Variants in HHIPL1 observed in about 807,000 individuals in gnomAD.
HHIPL1 encodes HHIP-like protein 1.
In HHIPL1, 43 loss-of-function variants were observed where a neutral mutation model predicts 61.8. The ratio of observed to expected loss-of-function variants is 0.70; its 90% CI spans 0.55 to 0.90. The LOEUF is 0.90. HHIPL1 is among the 40% of genes least tolerant of loss of function. The probability of loss-of-function intolerance (pLI) is 0.00; values close to 1 mark genes in which losing one functional copy is unlikely to be tolerated. For synonymous variants in HHIPL1, 482 were observed against 515.8 expected (o/e 0.93, Z 0.89); for missense variants, 1,056 against 1,157.7 (o/e 0.91, Z 1.28).
chr14:99,632,550 G>A, the HHIPL1 span, among the ~76,000 whole-genome samples: 36 of 152,250 alleles, frequency 2.4e-4, no homozygotes, highest in East Asian at 6.4e-3. Context: ...GTGGTTCTGA[G>A]TAGCCAAGCT....
At chr14:99,605,633 A>C in the HHIPL1 span, among the ~76,000 whole-genome samples, 1 of 152,206 alleles carries the variant, frequency 6.6e-6, no homozygotes, top group Non-Finnish European at 1.5e-5. Context: ...GGATGGGGAG[A>C]AGATAGACGA....
rs187930327 is a variant in HHIPL1 at position 99,646,561 on chromosome 14, G to A, written c.255+1099G>A. Among the ~76,000 whole-genome samples the A allele has an allele frequency of 5.6e-3, 857 of 152,306 alleles. 3 individuals carry two copies. Among genetic ancestry groups the A allele is most frequent in the African/African-American group, 0.019 (799 of 41,570 alleles). The stretch of plus-strand genomic sequence containing the variant: ...AGGCCAAGGTGGGCAGATCACTTGA[G>A]GTCAGGAGTTCGAGACCAGCCTGGC... On this transcript the variant is annotated intron_variant, in intron 1 of 8. Transcript: ENST00000330710.
chr14:99,658,759 C>G (rs2056092068), intron 3 of HHIPL1, among the ~76,000 whole-genome samples: 1 of 152,022 alleles, frequency 6.6e-6, no homozygotes, highest in African/African-American at 2.4e-5. Flanking sequence ...GCTCTCTCCC[C>G]CTCTCCCCAC....
At chr14:99,618,476 C>A in the HHIPL1 span, among the ~76,000 whole-genome samples, 719 of 150,182 alleles carry the variant, frequency 4.8e-3, 14 homozygotes, top group Admixed American at 0.025. Context: ...TTCTCTTCGC[C>A]TCATGGTTGC....
chr14:99,645,234 G>C lies in HHIPL1; in HGVS notation c.27G>C (p.Leu9=). Reference sequence around the variant, plus strand: ...TGGCCCGGGCCAGGGCCGGGGCGCTGCTGGCGCTTTGGGTGCTCGGGGCCG... The same window carrying C: ...TGGCCCGGGCCAGGGCCGGGGCGCTCCTGGCGCTTTGGGTGCTCGGGGCCG... MARARAGA[L]LALWVLGAAA... is the part of the protein sequence containing the mutation. The change falls in exon 1 of 9, where the codon CTG becomes CTC. Residue 9 remains leucine (L), a synonymous_variant. Coordinates refer to ENST00000330710, the MANE Select transcript of HHIPL1 (RefSeq NM_001127258.3). The C allele has an allele frequency of 7.5e-7, 1 of 1,339,396 alleles. No homozygotes were observed. The highest frequency in any genetic ancestry group is 9.5e-7 in the Non-Finnish European group (1 of 1,048,368). The allele number at this position is 1,339,396 out of a possible 1,614,324, so 83.0% of individuals were successfully genotyped here.
In HHIPL1 at chr14:99,669,135, G is replaced by A. The variant is rs1044568158; in HGVS notation, c.1730+832G>A. 19 of 1,383,228 alleles carry A rather than the reference G, an allele frequency of 1.4e-5. No individual in the cohort carries two copies. In the Admixed American group the frequency reaches 1.5e-4, roughly 11 times the overall value. The allele number at this position is 1,383,228 out of a possible 1,614,324, so 85.7% of individuals were successfully genotyped here. On this transcript the variant is annotated intron_variant, in intron 7 of 8. Coordinates refer to ENST00000330710, the MANE Select transcript of HHIPL1 (RefSeq NM_001127258.3). ...AGACTTGGTAATCCCTGGGCTACAC[G>A]ACTGACTCTCTCCCAGCTGCTCTGG...
Position 99,660,513 on chromosome 14 carries a change from C to A in HHIPL1, c.1502+107C>A. Reference sequence around the variant, plus strand: ...TGTGCGCCCGTTCCTGCACATGTGCCTCGCTGCTCTGACAGGGGCCCCTAG... The same window carrying A: ...TGTGCGCCCGTTCCTGCACATGTGCATCGCTGCTCTGACAGGGGCCCCTAG... On this transcript the variant is annotated intron_variant, in intron 5 of 8. Coordinates refer to ENST00000330710, the MANE Select transcript of HHIPL1 (RefSeq NM_001127258.3). The surrounding 1 kb of genome is among the most constrained non-coding windows in gnomAD (Gnocchi z 4.9). 7.3e-7 allele frequency: 1 copy of A among 1,377,368 alleles called. No homozygotes were observed. The highest frequency in any genetic ancestry group is 1.0e-6 in the Non-Finnish European group (1 of 1,002,814). 85.3% of individuals were successfully genotyped at this position (1,377,368 alleles called of 1,614,324 possible). A position where few individuals can be genotyped will look rare whatever the true frequency, so the allele number is the denominator to read the frequency against.
intron 2 of HHIPL1, among the ~76,000 whole-genome samples, chr14:99,653,329 T>TTTTTG (rs11268009): frequency 6.6e-5 from 10 of 150,934 alleles, no homozygotes; most frequent in Admixed American, 1.3e-4. Context: ...GGTGCCATCT[T>TTTTTG]TTTTGTTTTG....
rs776186430 is a variant in HHIPL1 at position 99,660,275 on chromosome 14, C to G, written c.1376-5C>G. On this transcript the variant is annotated splice_region_variant and splice_polypyrimidine_tract_variant and intron_variant, in intron 4 of 8. Coordinates refer to ENST00000330710, the MANE Select transcript of HHIPL1 (RefSeq NM_001127258.3). The surrounding 1 kb of genome is among the most constrained non-coding windows in gnomAD (Gnocchi z 4.9). ...ACCGAAGCTTCTCTCCCTCCCACCC[C>G]GCAGATGACTTGCTGCCGATTTTCG... The G allele has an allele frequency of 1.9e-6, 3 of 1,614,038 alleles. No homozygotes were observed. Among genetic ancestry groups the G allele is most frequent in the South Asian group, 1.1e-5 (1 of 91,076 alleles).
chr14:99,613,404 C>T, the HHIPL1 span, among the ~76,000 whole-genome samples: 1 of 151,764 alleles, frequency 6.6e-6, no homozygotes, highest in Non-Finnish European at 1.5e-5. Context: ...CGGCTCACCA[C>T]AGCCTCGACC....
chr14:99,668,517 C>T lies in HHIPL1; in HGVS notation c.1730+214C>T, dbSNP rs1188699116. 2.6e-5 allele frequency among the ~76,000 whole-genome samples: 4 copies of T among 152,180 alleles called. No homozygotes were observed. The East Asian group carries it at 7.7e-4, about 29-fold the overall frequency. On this transcript the variant is annotated intron_variant, in intron 7 of 8. Coordinates refer to ENST00000330710, the MANE Select transcript of HHIPL1 (RefSeq NM_001127258.3). This position sits in a 1 kb window ranked among gnomAD's most constrained non-coding sequence, Gnocchi z 4.7. ...ACCCGGGTCTGCACGCCTCAAAGCA[C>T]AGGTCTATTAGGATAGGAGGGAGCT...
chr14:99,655,061 G>C (rs550811649), intron 2 of HHIPL1, among the ~76,000 whole-genome samples: 1 of 152,162 alleles, frequency 6.6e-6, no homozygotes, highest in Non-Finnish European at 1.5e-5. Context: ...GCAGGCTCAG[G>C]GCAGGCCAGG....
the HHIPL1 span, among the ~76,000 whole-genome samples, chr14:99,621,337 C>T: frequency 6.6e-6 from 1 of 152,104 alleles, no homozygotes; most frequent in African/African-American, 2.4e-5. Flanking sequence ...TGGGCTCAAG[C>T]GATAGTTCAT....
intron 7 of HHIPL1, chr14:99,669,378 A>AATTTTATAATGAT: frequency 1.0e-6 from 1 of 982,276 alleles, no homozygotes; most frequent in Non-Finnish European, 1.2e-6. Context: ...ACTTGTCTCT[A>AATTTTATAATGAT]ACGCAAGGCC....
rs144732406 is a variant in HHIPL1 at position 99,652,709 on chromosome 14, C to T, written c.741C>T (p.Asp247=). The T allele has an allele frequency of 1.3e-4, 208 of 1,613,906 alleles. No homozygotes were observed. The highest frequency in any genetic ancestry group is 1.7e-4 in the Non-Finnish European group (195 of 1,180,030). ...TGCTCACCTCGCCCTGGGAGGGTGA[C>T]GAGCGTGGCTTCCTGGGCATTGCCT... is the stretch of plus-strand genomic sequence containing the variant. ...RVVLTSPWEG[D]ERGFLGIAFH... is the part of the protein sequence containing the mutation. Residue 247 remains aspartate (D), a synonymous_variant, in exon 2 of 9, where the codon GAC becomes GAT. Coordinates refer to ENST00000330710, the MANE Select transcript of HHIPL1 (RefSeq NM_001127258.3).
rs550230590 is a variant in HHIPL1 at position 99,652,439 on chromosome 14, C to T, written c.471C>T (p.Cys157=). ...RYLSLDDTDY[C]FPYLLVNKNL... is the part of the protein sequence containing the mutation. ...TGTCCCTGGATGACACGGACTACTG[C>T]TTCCCTTACCTGCTGGTCAACAAGA... The change falls in exon 2 of 9, where the codon TGC becomes TGT. Residue 157 remains cysteine, a synonymous_variant. Coordinates refer to ENST00000330710, the MANE Select transcript of HHIPL1 (RefSeq NM_001127258.3). 8 of 1,614,188 alleles carry T rather than the reference C, an allele frequency of 5.0e-6. No homozygotes were observed. In the African/African-American group the frequency reaches 8.0e-5, roughly 16 times the overall value.
chr14:99,628,461 A>C, the HHIPL1 span, among the ~76,000 whole-genome samples: 1 of 151,858 alleles, frequency 6.6e-6, no homozygotes, highest in Admixed American at 6.6e-5. Context: ...GGCATCTGTA[A>C]TCCCAGCTAC....
the HHIPL1 span, among the ~76,000 whole-genome samples, chr14:99,614,878 T>C: frequency 6.6e-6 from 1 of 152,128 alleles, no homozygotes; most frequent in Admixed American, 6.5e-5. Context: ...GGAAAGAAAG[T>C]AATAAAGATA....
the HHIPL1 span, among the ~76,000 whole-genome samples, chr14:99,620,896 G>C: frequency 6.6e-6 from 1 of 152,232 alleles, no homozygotes; most frequent in Non-Finnish European, 1.5e-5. Context: ...ACTGCCACCA[G>C]CTCACTTCCC....
Sources: gnomAD v4.1 joint callset for allele counts (sites outside exome capture counted in the v4.1 genomes callset) on GRCh38, gnomAD v4.1.1 for gene constraint, Gnocchi (gnomAD v3.1) non-coding constraint, MANE v1.5 for transcripts, NCBI Gene and HGNC (gene_info 2026-07-23, HGNC 2026-07-21) for gene names.